Variants in SUSD5 observed in about 807,000 individuals in gnomAD.
SUSD5 encodes sushi domain-containing protein 5.
Under a neutral mutation model 29.5 loss-of-function variants are expected in SUSD5, and 33 were observed. The observed-to-expected ratio is 1.12, with a 90% confidence interval of 0.85 to 1.49. The LOEUF (loss-of-function observed/expected upper bound fraction) is 1.49, where lower values mean the gene tolerates loss of function less well. SUSD5 is among the 40% of genes most tolerant of loss of function. The pLI is 0.00. For synonymous variants in SUSD5, 308 were observed against 325.3 expected, an observed-to-expected ratio of 0.95 and a Z score of 0.57; for missense variants, 776 against 800.6, an observed-to-expected ratio of 0.97 and a Z score of 0.37.
At chr3:33,177,108 G>A (rs2031569132) in intron 3 of SUSD5, among the ~76,000 whole-genome samples, 1 of 152,122 alleles carries the variant, frequency 6.6e-6, no homozygotes, top group Non-Finnish European at 1.5e-5. Flanking sequence ...TACAGACTTT[G>A]TTTGTTAACC....
chr3:33,160,972 T>A (rs1022777366), intron 4 of SUSD5, among the ~76,000 whole-genome samples: 13 of 152,134 alleles, frequency 8.5e-5, no homozygotes, highest in Admixed American at 4.6e-4. Context: ...AACAATAAGA[T>A]TGAGAGGTGA....
intron 3 of SUSD5, among the ~76,000 whole-genome samples, chr3:33,184,463 T>C (rs1036050281): frequency 1.3e-5 from 2 of 152,196 alleles, no homozygotes; most frequent in Non-Finnish European, 2.9e-5. Flanking sequence ...TGGTTGGTTG[T>C]CCGACATTAA....
intron 3 of SUSD5, among the ~76,000 whole-genome samples, chr3:33,179,694 C>T (rs1420201272): frequency 6.6e-6 from 1 of 152,318 alleles, no homozygotes; most frequent in East Asian, 1.9e-4. Flanking sequence ...TTTGCATCTT[C>T]TCTCATAGTC....
At position 33,167,400 on chromosome 3, in the gene SUSD5, T is replaced by C. The variant is rs1238644672; in HGVS notation, c.598+7486A>G. ...ACAGTCTGAACTATGTGTGTTTGTT[T>C]GTGTGCATGCATGCGTGTGTGTGTG... On this transcript the variant is annotated intron_variant, in intron 4 of 4. Coordinates refer to ENST00000309558, the MANE Select transcript of SUSD5 (RefSeq NM_015551.2). This position sits in a 1 kb window ranked among gnomAD's most constrained non-coding sequence, Gnocchi z 4.1. Among the ~76,000 whole-genome samples the C allele has an allele frequency of 6.6e-6, 1 of 151,972 alleles. No individual in the cohort carries two copies. Among genetic ancestry groups the C allele is most frequent in the Non-Finnish European group, 1.5e-5 (1 of 67,980 alleles).
Position 33,207,857 on chromosome 3 carries a change from G to A in SUSD5, c.360C>T (p.Ser120=), listed in dbSNP as rs1203992030. The A allele has an allele frequency of 6.2e-7, 1 of 1,613,792 alleles. No individual in the cohort carries two copies. The highest frequency in any genetic ancestry group is 1.7e-5 in the Admixed American group (1 of 59,992). The part of the protein sequence containing the change: ...IMRAVDVRIE[S]NPVPGGTYSA... ...TGTATGTGCCACCAGGAACTGGGTT[G>A]CTCTCAATTCTCACATCGACAGCTC... The change falls in exon 3 of 5, where the codon AGC becomes AGT. Residue 120 remains serine (S), a synonymous_variant. Coordinates refer to ENST00000309558, the MANE Select transcript of SUSD5 (RefSeq NM_015551.2).
At chr3:33,195,023 C>T (rs766597698) in intron 3 of SUSD5, among the ~76,000 whole-genome samples, 2 of 152,074 alleles carry the variant, frequency 1.3e-5, no homozygotes, top group Admixed American at 6.5e-5. Context: ...GGCAAAACCC[C>T]GTCTCTACTA....
At chr3:33,206,499 A>AT (rs2032223003) in intron 3 of SUSD5, among the ~76,000 whole-genome samples, 1 of 151,348 alleles carries the variant, frequency 6.6e-6, no homozygotes, top group African/African-American at 2.4e-5. Flanking sequence ...CTCTCCCTGG[A>AT]TTTTTTGAAA....
At chr3:33,187,654 CTT>C (rs56965213) in intron 3 of SUSD5, among the ~76,000 whole-genome samples, 2 of 143,822 alleles carry the variant, frequency 1.4e-5, no homozygotes, top group Admixed American at 7.0e-5. Flanking sequence ...TACTAACAGT[CTT>C]TTTTTTTTTT....
chr3:33,165,864 C>T (rs1240647537), intron 4 of SUSD5, among the ~76,000 whole-genome samples: 1 of 152,134 alleles, frequency 6.6e-6, no homozygotes, highest in Non-Finnish European at 1.5e-5. Flanking sequence ...ACTGTGTGCC[C>T]AGGTGCAGTG....
Position 33,152,406 on chromosome 3 carries a change from T to C in SUSD5, c.*336A>G. ...CTGCACTCCAGCCTGGGCAACAGCA[T>C]GAGACTCTGTCTCAAAAAAAAAAAG... is the stretch of plus-strand genomic sequence containing the variant. On this transcript the variant is annotated 3_prime_UTR_variant, in exon 5 of 5. Coordinates refer to ENST00000309558, the MANE Select transcript of SUSD5 (RefSeq NM_015551.2). 4.2e-6 allele frequency: 1 copy of C among 235,730 alleles called. No individual in the cohort carries two copies. The allele number at this position is 235,730 out of a possible 1,614,324, so 14.6% of individuals were successfully genotyped here.
At position 33,204,570 on chromosome 3, in the gene SUSD5, C is replaced by A. The variant is rs921154167; in HGVS notation, c.409+3238G>T. Among the ~76,000 whole-genome samples, 10 of 152,178 alleles carry A rather than the reference C, an allele frequency of 6.6e-5. No homozygotes were observed. Among genetic ancestry groups the A allele is most frequent in the African/African-American group, 2.4e-4 (10 of 41,516 alleles). ...TCTCCTGACCTCGTGATACACCCAC[C>A]TCGGCCTCCCAAAGTGCTGGGATTA... On this transcript the variant is annotated intron_variant, in intron 3 of 4. Transcript: ENST00000309558. This position sits in a 1 kb window ranked among gnomAD's most constrained non-coding sequence, Gnocchi z 4.5.
At chr3:33,155,836 T>C (rs142357554) in intron 4 of SUSD5, among the ~76,000 whole-genome samples, 1 of 152,262 alleles carries the variant, frequency 6.6e-6, no homozygotes, top group East Asian at 1.9e-4. Context: ...AATTAATCTA[T>C]GGATGTCGGA....
chr3:33,153,369 C>A lies in SUSD5; in HGVS notation c.1263G>T (p.Lys421Asn), dbSNP rs780080685. Residue 421 changes from lysine (K) to asparagine (N), a missense_variant, in exon 5 of 5, where the codon AAG (lysine) becomes AAT (asparagine). Physicochemically the swap from Lys to Asn is moderately conservative, Grantham distance 94. Transcript: ENST00000309558. ...CCTCGCTTGGTGTGAGGGTGCTACT[C>A]TTGGGCTTCTTAACTTCCACAAGAA... ...QPILVEVKKP[K>N]SSTLTPSEGM... 4 of 1,613,892 alleles carry A rather than the reference C, an allele frequency of 2.5e-6. No individual in the cohort carries two copies. The South Asian group carries it at 4.4e-5, about 18-fold the overall frequency.
In SUSD5 at chr3:33,153,791, C is replaced by CG. The variant is rs1559442522; in HGVS notation, c.840dup (p.Ala281ArgfsTer19). On this transcript the variant is annotated frameshift_variant, in exon 5 of 5. Coordinates refer to ENST00000309558, the MANE Select transcript of SUSD5 (RefSeq NM_015551.2). LOFTEE classifies it low-confidence loss of function (END_TRUNC). ...AGCAGCCGTGATCCTGGTGAATCTG[C>CG]GGGGACACTGCTCCCAGCACCAGGC... 5 of 1,613,876 alleles carry CG rather than the reference C, an allele frequency of 3.1e-6. No individual in the cohort carries two copies. The African/African-American group carries it at 5.3e-5, about 17-fold the overall frequency.
At chr3:33,192,797 A>G (rs1348602646) in intron 3 of SUSD5, among the ~76,000 whole-genome samples, 1 of 147,066 alleles carries the variant, frequency 6.8e-6, no homozygotes, top group Non-Finnish European at 1.5e-5. Context: ...AGCCTGGGTG[A>G]CAGAGTGAGA....
chr3:33,182,667 G>A (rs2125623501), intron 3 of SUSD5, among the ~76,000 whole-genome samples: 1 of 152,294 alleles, frequency 6.6e-6, no homozygotes, highest in Non-Finnish European at 1.5e-5. Flanking sequence ...TTACCATTAT[G>A]TAATTCTTCT....
Position 33,208,533 on chromosome 3 carries a change from T to C in SUSD5, c.291-607A>G, listed in dbSNP as rs544366149. On this transcript the variant is annotated intron_variant, in intron 2 of 4. Transcript: ENST00000309558. ...TACTAATACTTAATTTAATCATCAA[T>C]CTAATTTAAATCTGCTTTTTATTAG... Among the ~76,000 whole-genome samples the C allele has an allele frequency of 1.9e-4, 29 of 152,240 alleles. No homozygotes were observed. In the South Asian group the frequency reaches 5.8e-3, roughly 31 times the overall value.
Position 33,218,706 on chromosome 3 carries a change from C to G in SUSD5, c.92G>C (p.Arg31Pro). ...CTCACCATCCGCCCGCACCGAAAGG[C>G]GCGGCAGACCGAGCAGGAGCAGCGC... ...AAALLLLGLPRLSVRADGKFF... is the reference protein window; with the variant it reads ...AAALLLLGLPPLSVRADGKFF... Residue 31 changes from arginine to proline, a missense_variant, in exon 1 of 5, where the codon CGC becomes CCC. Arg to Pro is a moderately radical substitution (Grantham distance 103). Coordinates refer to ENST00000309558, the MANE Select transcript of SUSD5 (RefSeq NM_015551.2). 3 of 1,318,554 alleles carry G rather than the reference C, an allele frequency of 2.3e-6. No individual in the cohort carries two copies. The highest frequency in any genetic ancestry group is 2.9e-6 in the Non-Finnish European group (3 of 1,035,242). The allele number at this position is 1,318,554 out of a possible 1,614,324, so 81.7% of individuals were successfully genotyped here.
intron 3 of SUSD5, among the ~76,000 whole-genome samples, chr3:33,205,115 T>C (rs1183256338): frequency 6.6e-6 from 1 of 152,144 alleles, no homozygotes; most frequent in East Asian, 1.9e-4. Context: ...CTAAAAACCT[T>C]GGTGTGCATT....
Sources: allele counts gnomAD v4.1 joint callset (sites outside exome capture counted in the v4.1 genomes callset), GRCh38; gene constraint gnomAD v4.1.1; non-coding constraint Gnocchi (gnomAD v3.1); transcripts MANE v1.5; gene names NCBI Gene and HGNC (gene_info 2026-07-23, HGNC 2026-07-21).